Variants in SLC25A26 observed in about 807,000 individuals in gnomAD.
The protein encoded by SLC25A26 is solute carrier family 25 member 26.
Under a neutral mutation model 37.8 loss-of-function variants are expected in SLC25A26, and 36 were observed. The observed-to-expected ratio is 0.95, with a 90% CI of 0.73 to 1.26. The LOEUF (loss-of-function observed/expected upper bound fraction) is 1.26, where lower values mean the gene tolerates loss of function less well. Among genes scored for constraint, SLC25A26 ranks in the 50% most tolerant of loss-of-function variants. The pLI, the probability that SLC25A26 is intolerant of heterozygous loss-of-function variation, is 0.00. For missense variants in SLC25A26, 390 were observed against 331.1 expected (o/e 1.18, Z -1.38); for synonymous variants, 129 against 122.5 (o/e 1.05, Z -0.35).
At chr3:66,150,539 AT>A (rs2070185703) in intron 1 of SLC25A26, among the ~76,000 whole-genome samples, 1 of 132,340 alleles carries the variant, frequency 7.6e-6, no homozygotes, top group Non-Finnish European at 1.6e-5. Context: ...ATATATATAT[AT>A]ATATAAAATA....
intron 8 of SLC25A26, among the ~76,000 whole-genome samples, chr3:66,370,077 G>A (rs1575620191): frequency 6.6e-6 from 1 of 152,294 alleles, no homozygotes; most frequent in East Asian, 1.9e-4. Flanking sequence ...CAAATAATGG[G>A]CCAAATTTTA....
intron 3 of SLC25A26, among the ~76,000 whole-genome samples, chr3:66,258,561 T>C (rs571594843): frequency 2.6e-4 from 39 of 152,354 alleles, no homozygotes; most frequent in African/African-American, 6.3e-4. Context: ...AATGGAGATA[T>C]AATGTAAGAT....
chr3:66,374,878 C>CAAA (rs56225849), intron 9 of SLC25A26, among the ~76,000 whole-genome samples: 57 of 146,664 alleles, frequency 3.9e-4, no homozygotes, highest in East Asian at 1.4e-3. Flanking sequence ...GACCCTATCT[C>CAAA]AAAAAAAAAA....
chr3:66,140,789 A>G (rs189112724), intron 1 of SLC25A26, among the ~76,000 whole-genome samples: 7 of 152,306 alleles, frequency 4.6e-5, no homozygotes, highest in Admixed American at 3.9e-4. Context: ...CATCTGTTGA[A>G]TTAAACAAAA....
chr3:66,303,469 G>A (rs2075132046), intron 5 of SLC25A26, among the ~76,000 whole-genome samples: 1 of 152,182 alleles, frequency 6.6e-6, no homozygotes, highest in Non-Finnish European at 1.5e-5. Context: ...CAGATAATCA[G>A]CAAGATGCCT....
At chr3:66,345,914 C>G (rs2076311297) in intron 5 of SLC25A26, among the ~76,000 whole-genome samples, 1 of 152,192 alleles carries the variant, frequency 6.6e-6, no homozygotes, top group African/African-American at 2.4e-5. Context: ...AGAAGATCAC[C>G]AGGCTCAGTG....
At chr3:66,371,372 T>A in intron 9 of SLC25A26, 1 of 1,531,958 alleles carries the variant, frequency 6.5e-7, no homozygotes, top group African/African-American at 1.4e-5. Flanking sequence ...CCTTTGGCAG[T>A]TTTAATCTCA....
intron 1 of SLC25A26, among the ~76,000 whole-genome samples, chr3:66,210,494 G>A (rs2071269661): frequency 6.6e-6 from 1 of 151,982 alleles, no homozygotes; most frequent in East Asian, 1.9e-4. Flanking sequence ...ATGTCCTGAG[G>A]CTGAAGGTAT....
chr3:66,275,731 A>G (rs1348982883), intron 5 of SLC25A26, among the ~76,000 whole-genome samples: 2 of 152,132 alleles, frequency 1.3e-5, no homozygotes, highest in African/African-American at 4.8e-5. Context: ...TATCATATTT[A>G]CTGCTGTCTA....
At chr3:66,298,436 TATG>T (rs892864347) in intron 5 of SLC25A26, among the ~76,000 whole-genome samples, 3 of 152,170 alleles carry the variant, frequency 2.0e-5, no homozygotes, top group Admixed American at 1.3e-4. Context: ...GAAAAGTAAA[TATG>T]ATTTATTTCT....
chr3:66,359,969 C>T (rs1447142274), intron 6 of SLC25A26, among the ~76,000 whole-genome samples: 6 of 152,162 alleles, frequency 3.9e-5, no homozygotes, highest in African/African-American at 7.2e-5. Flanking sequence ...GAATCATTCA[C>T]GTTAGTATGG....
intron 5 of SLC25A26, among the ~76,000 whole-genome samples, chr3:66,315,614 T>C (rs940962785): frequency 2.6e-5 from 4 of 152,194 alleles, no homozygotes; most frequent in Non-Finnish European, 5.9e-5. Flanking sequence ...GAGAGAGTTC[T>C]GTAGGTATCT....
In SLC25A26 at chr3:66,378,063, T is replaced by TAA. The variant is rs145995378; in HGVS notation, c.*257_*258dup. The TAA allele has an allele frequency of 9.4e-4, 349 of 371,606 alleles. 2 individuals are homozygous for TAA. Among genetic ancestry groups the TAA allele is most frequent in the African/African-American group, 6.2e-3 (309 of 49,800 alleles). 23.0% of individuals were successfully genotyped at this position (371,606 alleles called of 1,614,324 possible). A position where few individuals can be genotyped will look rare whatever the true frequency, so the allele number is the denominator to read the frequency against. On this transcript the variant is annotated 3_prime_UTR_variant, in exon 10 of 10. Coordinates refer to ENST00000354883, the MANE Select transcript of SLC25A26 (RefSeq NM_001379210.1). Reference sequence around the variant, plus strand: ...AATTTCCTCAGAACCTCTTAATAAATAAGTTTGGTAATGCTGAGGCCAGGC... The same window carrying TAA: ...AATTTCCTCAGAACCTCTTAATAAATAAAAGTTTGGTAATGCTGAGGCCAGGC...
intron 3 of SLC25A26, among the ~76,000 whole-genome samples, chr3:66,256,430 CT>C (rs970297265): frequency 1.2e-4 from 18 of 151,912 alleles, no homozygotes; most frequent in Non-Finnish European, 2.1e-4. Flanking sequence ...ATAATAAATA[CT>C]TTTTTCCTTT....
At chr3:66,302,893 T>C (rs1268046710) in intron 5 of SLC25A26, among the ~76,000 whole-genome samples, 1 of 152,148 alleles carries the variant, frequency 6.6e-6, no homozygotes, top group Non-Finnish European at 1.5e-5. Flanking sequence ...GTTCAGTGTC[T>C]CAGTGCTAGG....
chr3:66,264,288 A>T (rs543454765), intron 5 of SLC25A26, among the ~76,000 whole-genome samples: 12 of 152,246 alleles, frequency 7.9e-5, no homozygotes, highest in Middle Eastern at 6.8e-3. Flanking sequence ...CCAAAAAAAA[A>T]GAAATAACTA....
rs992943196 is a variant in SLC25A26, at chr3:66,291,930, ATCTAAG to A, written c.453+28555_453+28560del. On this transcript the variant is annotated intron_variant, in intron 5 of 9. Transcript: ENST00000354883. ...AGTCTCCCACTGTTGTTGTGTGGGC[ATCTAAG>A]TCTGTTTGTAGGTCTCTAAGAACTT... 3.3e-5 allele frequency among the ~76,000 whole-genome samples: 5 copies of A among 152,126 alleles called. 1 individual carries two copies. Among genetic ancestry groups the A allele is most frequent in the Admixed American group, 1.3e-4 (2 of 15,274 alleles).
chr3:66,337,475 TAGAA>T (rs1349614280), intron 5 of SLC25A26, among the ~76,000 whole-genome samples: 2 of 152,188 alleles, frequency 1.3e-5, no homozygotes, highest in East Asian at 1.9e-4. Context: ...TTCTCTGCAT[TAGAA>T]AGAATGATAG....
chr3:66,179,976 A>C (rs1576616898), intron 1 of SLC25A26, among the ~76,000 whole-genome samples: 1 of 152,212 alleles, frequency 6.6e-6, no homozygotes, highest in Non-Finnish European at 1.5e-5. Flanking sequence ...ACTGTTAGAT[A>C]GATTGATGCT....
Sources: allele counts gnomAD v4.1 joint callset (sites outside exome capture counted in the v4.1 genomes callset), GRCh38; gene constraint gnomAD v4.1.1; transcripts MANE v1.5; gene names NCBI Gene and HGNC (gene_info 2026-07-23, HGNC 2026-07-21).